PRRC2B: variants seen among roughly 807,000 people sequenced by gnomAD.
The protein encoded by PRRC2B is protein PRRC2B.
Under a neutral mutation model 242.3 loss-of-function variants are expected in PRRC2B, and 68 were observed. That is an observed-to-expected ratio of 0.28 (90% CI 0.23 to 0.34). The LOEUF is 0.34. PRRC2B is among the 10% of genes least tolerant of loss of function. The pLI, the probability that PRRC2B is intolerant of heterozygous loss-of-function variation, is 1.00. For missense variants in PRRC2B, 2,835 were observed against 2,954.8 expected, an observed-to-expected ratio of 0.96 and a Z score of 0.94; for synonymous variants, 1,228 against 1,173.6, an observed-to-expected ratio of 1.05 and a Z score of -0.95.
intron 13 of PRRC2B, among the ~76,000 whole-genome samples, chr9:131,468,160 G>A (rs537646339): frequency 6.6e-6 from 1 of 152,302 alleles, no homozygotes; most frequent in Admixed American, 6.5e-5. Flanking sequence ...TCCTCCCAAG[G>A]TGTAAGGGAG....
chr9:131,384,349 C>T (rs1836802288), intron 1 of PRRC2B, among the ~76,000 whole-genome samples: 1 of 151,772 alleles, frequency 6.6e-6, no homozygotes, highest in African/African-American at 2.4e-5. Flanking sequence ...GTGGCACGAT[C>T]TTGGCTCGCT....
chr9:131,488,525 G>A (rs1944091803), intron 28 of PRRC2B, among the ~76,000 whole-genome samples: 2 of 152,196 alleles, frequency 1.3e-5, no homozygotes, highest in Non-Finnish European at 2.9e-5. Context: ...GCCTCCCAAA[G>A]GGCTGGGATG....
rs950859455 is a variant in PRRC2B, at chr9:131,494,531, C to T, written c.6555+45C>T. 1 of 1,102,204 alleles carries T rather than the reference C, an allele frequency of 9.1e-7. No individual in the cohort carries two copies. The highest frequency in any genetic ancestry group is 1.3e-6 in the Non-Finnish European group (1 of 744,010). The allele number at this position is 1,102,204 out of a possible 1,614,324, so 68.3% of individuals were successfully genotyped here. A position where few individuals can be genotyped will look rare whatever the true frequency, so the allele number is the denominator to read the frequency against. On this transcript the variant is annotated intron_variant, in intron 31 of 31. Transcript: ENST00000683519. This position sits in a 1 kb window ranked among gnomAD's most constrained non-coding sequence, Gnocchi z 4.3. ...ACCCTTCAGCCCTGGACACTTAGGC[C>T]CGTCTCCAAGCGCCAAAAGAGAAGG...
chr9:131,403,942 T>C (rs1837291901), intron 1 of PRRC2B, among the ~76,000 whole-genome samples: 1 of 151,990 alleles, frequency 6.6e-6, no homozygotes, highest in Non-Finnish European at 1.5e-5. Context: ...CAGTAATACT[T>C]TTTTTTTCTT....
intron 12 of PRRC2B, among the ~76,000 whole-genome samples, chr9:131,466,847 G>C (rs971799185): frequency 6.6e-6 from 1 of 151,312 alleles, no homozygotes; most frequent in Non-Finnish European, 1.5e-5. Context: ...TGTCGCCCAG[G>C]CTGGAGTGCA....
rs777862571 is a variant in PRRC2B at position 131,475,183 on chromosome 9, C to T, written c.3054C>T (p.Thr1018=). ...PGHATFGREA[T]KFEEEEKPDK... is the part of the protein sequence containing the mutation. Reference sequence around the variant, plus strand: ...ATGCCACTTTTGGCCGCGAGGCCACCAAATTTGAAGAGGAGGAGAAACCTG... The same window carrying T: ...ATGCCACTTTTGGCCGCGAGGCCACTAAATTTGAAGAGGAGGAGAAACCTG... The change falls in exon 16 of 32, where the codon ACC becomes ACT. Residue 1018 remains threonine, a synonymous_variant. Transcript: ENST00000683519. 3.1e-6 allele frequency: 5 copies of T among 1,613,602 alleles called. No individual in the cohort carries two copies. In the South Asian group the frequency reaches 3.3e-5, roughly 11 times the overall value.
At chr9:131,489,687 G>A (rs1447283804) in intron 28 of PRRC2B, among the ~76,000 whole-genome samples, 1 of 152,196 alleles carries the variant, frequency 6.6e-6, no homozygotes, top group East Asian at 1.9e-4. Context: ...CAGGAAACAG[G>A]AGCAGTGACA....
At chr9:131,483,842 C>T (rs758049875) in intron 23 of PRRC2B, among the ~76,000 whole-genome samples, 2 of 152,182 alleles carry the variant, frequency 1.3e-5, no homozygotes, top group African/African-American at 4.8e-5. Context: ...GACCTGCTGG[C>T]GCTCTACCAT....
At chr9:131,433,025 CA>C (rs1351364063) in intron 3 of PRRC2B, among the ~76,000 whole-genome samples, 15 of 152,326 alleles carry the variant, frequency 9.8e-5, no homozygotes, top group African/African-American at 3.6e-4. Flanking sequence ...GCCGATGGAG[CA>C]GCACATCTGT....
intron 1 of PRRC2B, among the ~76,000 whole-genome samples, chr9:131,394,787 G>C (rs887504870): frequency 9.9e-5 from 15 of 151,988 alleles, no homozygotes; most frequent in Admixed American, 8.5e-4. Context: ...CTGGCGCGGG[G>C]TGGGCCGGGC....
At chr9:131,453,035 C>T (rs1241130249) in intron 9 of PRRC2B, among the ~76,000 whole-genome samples, 1 of 152,166 alleles carries the variant, frequency 6.6e-6, no homozygotes, top group Admixed American at 6.5e-5. Context: ...TGTTAAACTC[C>T]AATTATGGAT....
intron 14 of PRRC2B, among the ~76,000 whole-genome samples, chr9:131,471,966 ATCT>A (rs1564294790): frequency 6.6e-6 from 1 of 152,190 alleles, no homozygotes; most frequent in Non-Finnish European, 1.5e-5. Context: ...GATTTGTCAA[ATCT>A]TCTTTGGGAG....
At chr9:131,388,685 A>G (rs1836857876) in intron 1 of PRRC2B, among the ~76,000 whole-genome samples, 1 of 149,062 alleles carries the variant, frequency 6.7e-6, no homozygotes, top group Admixed American at 7.0e-5. Flanking sequence ...CTAGGACTAC[A>G]GGCACACGCC....
rs1031417353 is a variant in PRRC2B, at chr9:131,407,336, T to A, written c.-52+13073T>A. ...GATGGTGGGTGGGGGAGGAGAGTTG[T>A]GAGTATAGAGTTTTGGGTGAGGTGA... On this transcript the variant is annotated intron_variant, in intron 1 of 31. Transcript: ENST00000683519. 2.6e-5 allele frequency among the ~76,000 whole-genome samples: 4 copies of A among 151,952 alleles called. No individual in the cohort carries two copies. In the East Asian group the frequency reaches 7.7e-4, roughly 29 times the overall value.
At position 131,380,886 on chromosome 9, in the gene PRRC2B, C is replaced by CAAAAAA. The variant is rs61180556; in HGVS notation, c.-56+7163_-56+7168dup. The stretch of plus-strand genomic sequence containing the variant: ...GTGTGACAGTGTGAGATTCTGTCTC[C>CAAAAAA]AAAAAAAAAAAAAGAGTGATTTGTA... On this transcript the variant is annotated intron_variant, in intron 1 of 1. Coordinates refer to the PRRC2B transcript ENST00000682525. Among the ~76,000 whole-genome samples the CAAAAAA allele has an allele frequency of 2.8e-4, 30 of 108,332 alleles. 5 individuals carry two copies. Among genetic ancestry groups the CAAAAAA allele is most frequent in the Non-Finnish European group, 4.1e-4 (22 of 53,604 alleles). The allele number at this position is 108,332 out of a possible 152,430, so 71.1% of individuals were successfully genotyped here.
chr9:131,421,321 G>T (rs539795493), intron 1 of PRRC2B, among the ~76,000 whole-genome samples: 8 of 152,240 alleles, frequency 5.3e-5, no homozygotes, highest in African/African-American at 1.9e-4. Context: ...TACGTTAAAG[G>T]TTTTTTTGCC....
chr9:131,426,337 C>CAAAAAAAAAAAAAAAAAAA (rs5900939), intron 1 of PRRC2B, among the ~76,000 whole-genome samples: 1 of 84,460 alleles, frequency 1.2e-5, no homozygotes, highest in African/African-American at 4.2e-5. Context: ...AACTCTGTCT[C>CAAAAAAAAAAAAAAAAAAA]AAAAAAAAAA....
rs1838793147 is a variant in PRRC2B, at chr9:131,446,143, T to C, written c.614-258T>C. Among the ~76,000 whole-genome samples, 1 of 152,210 alleles carries C rather than the reference T, an allele frequency of 6.6e-6. No individual in the cohort carries two copies. The highest frequency in any genetic ancestry group is 1.5e-5 in the Non-Finnish European group (1 of 68,040). On this transcript the variant is annotated intron_variant, in intron 6 of 31. Transcript: ENST00000683519. The surrounding 1 kb of genome is among the most constrained non-coding windows in gnomAD (Gnocchi z 4.1). The stretch of plus-strand genomic sequence containing the variant: ...CTTGGGGAAGGGTGGTGATTGTTGC[T>C]TACTGATGAAGCCTTCTCTCTGAGT...
chr9:131,461,076 C>CA (rs1384496791), intron 11 of PRRC2B, among the ~76,000 whole-genome samples: 1 of 152,218 alleles, frequency 6.6e-6, no homozygotes, highest in African/African-American at 2.4e-5. Flanking sequence ...CACTTCCTCC[C>CA]AGTGCATGTT....
Sources: gnomAD v4.1 joint callset for allele counts (sites outside exome capture counted in the v4.1 genomes callset) on GRCh38, gnomAD v4.1.1 for gene constraint, Gnocchi (gnomAD v3.1) non-coding constraint, MANE v1.5 for transcripts, NCBI Gene and HGNC (gene_info 2026-07-23, HGNC 2026-07-21) for gene names.